BRD1: variants seen among roughly 807,000 people sequenced by gnomAD.
BRD1 encodes bromodomain-containing protein 1.
In BRD1, 24 loss-of-function variants were observed where a neutral mutation model predicts 107.7. The ratio of observed to expected loss-of-function variants is 0.22; its 90% confidence interval spans 0.16 to 0.31. The LOEUF (loss-of-function observed/expected upper bound fraction) is 0.31, where lower values mean the gene tolerates loss of function less well. BRD1 is among the 10% of genes least tolerant of loss of function. The pLI, the probability that BRD1 is intolerant of heterozygous loss-of-function variation, is 1.00. For synonymous variants in BRD1, 744 were observed against 686.1 expected (o/e 1.08, Z -1.32); for missense variants, 1,279 against 1,638.6 (o/e 0.78, Z 3.79).
In BRD1 at chr22:49,824,222, G is replaced by C. The variant is rs757900894; in HGVS notation, c.96C>G (p.Thr32=). 5.6e-6 allele frequency: 9 copies of C among 1,613,980 alleles called. No individual in the cohort carries two copies. Among genetic ancestry groups the C allele is most frequent in the Non-Finnish European group, 6.8e-6 (8 of 1,180,026 alleles). ...CTACCATCCTTTGAGCTTGAGCGTAGGTCAGCGTTTCTCGCGTAGGGGAGT... is the reference window on the plus strand; with the variant it reads ...CTACCATCCTTTGAGCTTGAGCGTACGTCAGCGTTTCTCGCGTAGGGGAGT... The part of the protein sequence containing the change: ...VKHSPTRETL[T]YAQAQRMVEI... The change falls in exon 2 of 13, where the codon ACC becomes ACG. Residue 32 remains threonine (T), a synonymous_variant. Coordinates refer to ENST00000404760, the MANE Select transcript of BRD1 (RefSeq NM_001304808.3). This position sits in a 1 kb window ranked among gnomAD's most constrained non-coding sequence, Gnocchi z 5.9.
Position 49,814,354 on chromosome 22 carries a change from G to A in BRD1, c.1367+8597C>T, listed in dbSNP as rs548792667. On this transcript the variant is annotated intron_variant, in intron 2 of 12. Transcript: ENST00000404760. ...TGCCAGGTGGTGCGAGGTGGAGGAC[G>A]CCGTGCCCACATCCATCGCTCAGGA... 6.0e-4 allele frequency among the ~76,000 whole-genome samples: 92 copies of A among 152,308 alleles called. 1 individual carries two copies. Among genetic ancestry groups the A allele is most frequent in the Middle Eastern group, 6.8e-3 (2 of 294 alleles).
At chr22:49,791,685 TC>T (rs2059437280) in intron 7 of BRD1, among the ~76,000 whole-genome samples, 1 of 151,938 alleles carries the variant, frequency 6.6e-6, no homozygotes, top group Non-Finnish European at 1.5e-5. Flanking sequence ...GGCACTCGCC[TC>T]TCCACAGACC....
chr22:49,804,192 C>T lies in BRD1; in HGVS notation c.1524+12G>A, dbSNP rs775293615. The stretch of plus-strand genomic sequence containing the variant: ...AGACGCAGAAAGGCTGTGGGGGCCA[C>T]GAGCCACGTACCTGCTGTGAGCTTC... On this transcript the variant is annotated intron_variant, in intron 3 of 12. Coordinates refer to ENST00000404760, the MANE Select transcript of BRD1 (RefSeq NM_001304808.3). 2.8e-5 allele frequency: 43 copies of T among 1,560,702 alleles called. No homozygotes were observed. The highest frequency in any genetic ancestry group is 3.6e-5 in the Admixed American group (2 of 55,776).
rs138831 is a variant in BRD1 at position 49,783,631 on chromosome 22, G to A, written c.2857+3759C>T. 0.098 allele frequency among the ~76,000 whole-genome samples: 14,894 copies of A among 152,054 alleles called. 767 individuals are homozygous for A. Among genetic ancestry groups the A allele is most frequent in the Non-Finnish European group, 0.11 (7,500 of 67,968 alleles). ...CAGTCGGTGCCGGGCTCTCCTCTGC[G>A]TCCTTCGTGACTGTCCAGAGGGAAG... On this transcript the variant is annotated intron_variant, in intron 8 of 12. Coordinates refer to ENST00000404760, the MANE Select transcript of BRD1 (RefSeq NM_001304808.3). The surrounding 1 kb of genome is among the most constrained non-coding windows in gnomAD (Gnocchi z 4.2).
At position 49,803,215 on chromosome 22, in the gene BRD1, G is replaced by A. The variant is rs1409934041; in HGVS notation, c.1524+989C>T. Among the ~76,000 whole-genome samples the A allele has an allele frequency of 6.6e-6, 1 of 152,216 alleles. No individual in the cohort carries two copies. Among genetic ancestry groups the A allele is most frequent in the African/African-American group, 2.4e-5 (1 of 41,442 alleles). On this transcript the variant is annotated intron_variant, in intron 3 of 12. Coordinates refer to ENST00000404760, the MANE Select transcript of BRD1 (RefSeq NM_001304808.3). The surrounding 1 kb of genome is among the most constrained non-coding windows in gnomAD (Gnocchi z 4.4). ...CTCACGCTGCAGAGGCAGAGTCTGC[G>A]AGGCAGAGACAGCACCGGCCACCGC... is the stretch of plus-strand genomic sequence containing the variant.
chr22:49,813,534 TA>T (rs1222032340), intron 2 of BRD1, among the ~76,000 whole-genome samples: 1 of 150,238 alleles, frequency 6.7e-6, no homozygotes, highest in African/African-American at 2.4e-5. Context: ...TTATTTTTAT[TA>T]AAAAAATTTT....
At position 49,784,650 on chromosome 22, in the gene BRD1, A is replaced by T. The variant is rs372995128; in HGVS notation, c.2857+2740T>A. ...ACTCCCTAAAGTTCAGAGCACACAG[A>T]TGCATGTATGGAAAACATCAGAAGG... On this transcript the variant is annotated intron_variant, in intron 8 of 12. Transcript: ENST00000404760. 4.6e-5 allele frequency among the ~76,000 whole-genome samples: 7 copies of T among 152,362 alleles called. No homozygotes were observed. In the East Asian group the frequency reaches 1.3e-3, roughly 29 times the overall value.
At chr22:49,784,289 G>C (rs1396876197) in intron 8 of BRD1, among the ~76,000 whole-genome samples, 1 of 146,696 alleles carries the variant, frequency 6.8e-6, no homozygotes, top group East Asian at 2.0e-4. Flanking sequence ...AGGGGTCTCC[G>C]CAACGGCGGC....
intron 12 of BRD1, 74 bp downstream of exon 12, chr22:49,775,517 G>A: frequency 1.6e-6 from 2 of 1,273,852 alleles, no homozygotes; most frequent in East Asian, 2.8e-5. Context: ...TCACCACAGG[G>A]ACACTCAGGT....
chr22:49,788,183 T>C (rs1490127263), intron 7 of BRD1, among the ~76,000 whole-genome samples: 3 of 152,146 alleles, frequency 2.0e-5, no homozygotes, highest in Non-Finnish European at 2.9e-5. Flanking sequence ...CTCGAGTTCA[T>C]GACAGTTTCT....
chr22:49,823,531 G>T lies in BRD1; in HGVS notation c.787C>A (p.Gln263Lys). Residue 263 changes from glutamine (Q) to lysine (K), a missense_variant, in exon 2 of 13, where the codon CAG (glutamine) becomes AAG (lysine). Physicochemically the swap from Gln to Lys is moderately conservative, Grantham distance 53. Coordinates refer to ENST00000404760, the MANE Select transcript of BRD1 (RefSeq NM_001304808.3). ...CAGTCGGCGGGCCGGGCCCGCGACT[G>T]CAGGCAGTGGCGGCAGAGCCACTGG... ...EGQWLCRHCL[Q>K]SRARPADCVL... is the part of the protein sequence containing the mutation. The T allele has an allele frequency of 6.2e-7, 1 of 1,601,032 alleles. No homozygotes were observed. Among genetic ancestry groups the T allele is most frequent in the Non-Finnish European group, 8.5e-7 (1 of 1,173,026 alleles).
chr22:49,792,784 A>G lies in BRD1; in HGVS notation c.2359+1250T>C, dbSNP rs1418946038. Among the ~76,000 whole-genome samples the G allele has an allele frequency of 6.6e-6, 1 of 152,188 alleles. No homozygotes were observed. Among genetic ancestry groups the G allele is most frequent in the Non-Finnish European group, 1.5e-5 (1 of 68,036 alleles). On this transcript the variant is annotated intron_variant, in intron 7 of 12. Transcript: ENST00000404760. This position sits in a 1 kb window ranked among gnomAD's most constrained non-coding sequence, Gnocchi z 4.2. ...CTGTGTGCACAGGAGTAAGTTTCTAAGAGAAAGAAAAGCTTAATGGCTCTC... is the reference window on the plus strand; with the variant it reads ...CTGTGTGCACAGGAGTAAGTTTCTAGGAGAAAGAAAAGCTTAATGGCTCTC...
intron 3 of BRD1, among the ~76,000 whole-genome samples, chr22:49,802,767 A>G (rs1047729470): frequency 1.3e-5 from 2 of 152,232 alleles, no homozygotes; most frequent in Non-Finnish European, 2.9e-5. Context: ...TGGCCTCTTA[A>G]GAGCCCCCCA....
chr22:49,798,117 C>T lies in BRD1; in HGVS notation c.1786G>A (p.Val596Ile). 6.3e-7 allele frequency: 1 copy of T among 1,596,326 alleles called. No homozygotes were observed. ...IFAQPVSLKE[V>I]PDYLDHIKHP... is the part of the protein sequence containing the mutation. ...TTAATGTGATCCAAATAATCTGGTA[C>T]CTAATTTTAGGGAGGAAAAAGAATC... is the stretch of plus-strand genomic sequence containing the variant. Residue 596 changes from valine to isoleucine, a missense_variant and splice_region_variant, in exon 6 of 13, where the codon GTA becomes ATA. Around this residue, in one of 7 missense-constraint regions of BRD1, gnomAD observed 406 missense variants for 519.4 expected, o/e 0.78. Transcript: ENST00000404760.
intron 4 of BRD1, 86 bp downstream of exon 4, chr22:49,798,902 C>G (rs1296261781): frequency 6.6e-7 from 1 of 1,505,530 alleles, no homozygotes. Flanking sequence ...CCACCGGGTG[C>G]AGCCCACCCT....
chr22:49,776,639 G>A (rs577705918), intron 10 of BRD1, among the ~76,000 whole-genome samples: 44 of 152,246 alleles, frequency 2.9e-4, no homozygotes, highest in African/African-American at 9.1e-4. Context: ...AGGGCTGTGC[G>A]ACCCCAAACC....
chr22:49,793,916 C>T, intron 7 of BRD1, 118 bp downstream of exon 7: 1 of 1,402,196 alleles, frequency 7.1e-7, no homozygotes, highest in Non-Finnish European at 9.6e-7. Flanking sequence ...GGAACTGGCG[C>T]TAACCTGAGC....
intron 4 of BRD1, 92 bp downstream of exon 4, chr22:49,798,896 C>T (rs893176819): frequency 2.6e-5 from 39 of 1,496,386 alleles, no homozygotes; most frequent in Admixed American, 1.3e-4. Flanking sequence ...CAGGACCCAC[C>T]GGGTGCAGCC....
At position 49,783,959 on chromosome 22, in the gene BRD1, A is replaced by C. The variant is rs1019402452; in HGVS notation, c.2857+3431T>G. On this transcript the variant is annotated intron_variant, in intron 8 of 12. Coordinates refer to ENST00000404760, the MANE Select transcript of BRD1 (RefSeq NM_001304808.3). The surrounding 1 kb of genome is among the most constrained non-coding windows in gnomAD (Gnocchi z 4.2). Reference sequence around the variant, plus strand: ...GTCCAAAGAGTGAACTACCCAGCACATTAGTGGTTAAAGTGAGAACCTGGA... The same window carrying C: ...GTCCAAAGAGTGAACTACCCAGCACCTTAGTGGTTAAAGTGAGAACCTGGA... Among the ~76,000 whole-genome samples the C allele has an allele frequency of 6.6e-6, 1 of 152,236 alleles. No individual in the cohort carries two copies. Among genetic ancestry groups the C allele is most frequent in the African/African-American group, 2.4e-5 (1 of 41,464 alleles).
Sources: gnomAD v4.1 joint callset for allele counts (sites outside exome capture counted in the v4.1 genomes callset) on GRCh38, gnomAD v4.1.1 for gene constraint, gnomAD v4.1.1 regional missense constraint, Gnocchi (gnomAD v3.1) non-coding constraint, MANE v1.5 for transcripts, NCBI Gene and HGNC (gene_info 2026-07-23, HGNC 2026-07-21) for gene names.